CDH12: variants seen among roughly 807,000 people sequenced by gnomAD.
The protein encoded by CDH12 is cadherin-12.
Under a neutral mutation model 74.1 loss-of-function variants are expected in CDH12, and 41 were observed. That is an observed-to-expected ratio of 0.55 (90% CI 0.43 to 0.72). The LOEUF is 0.72. Among genes scored for constraint, CDH12 ranks in the 30% least tolerant of loss-of-function variants. CDH12 has a pLI of 0.00. For synonymous variants in CDH12, 399 were observed against 355.0 expected (o/e 1.12, Z -1.39); for missense variants, 945 against 977.2 (o/e 0.97, Z 0.44).
At chr5:22,090,546 A>G (rs1743350957) in intron 4 of CDH12, among the ~76,000 whole-genome samples, 1 of 151,558 alleles carries the variant, frequency 6.6e-6, no homozygotes, top group African/African-American at 2.4e-5. Context: ...GCGACCTTTA[A>G]CATTACAATA....
chr5:22,758,793 T>C (rs1400854846), intron 1 of CDH12, among the ~76,000 whole-genome samples: 1 of 152,170 alleles, frequency 6.6e-6, no homozygotes, highest in Non-Finnish European at 1.5e-5. Context: ...GCTATGAAAT[T>C]GTGTATTAAG....
intron 7 of CDH12, among the ~76,000 whole-genome samples, chr5:21,846,146 TG>T (rs1750155004): frequency 6.6e-6 from 1 of 152,156 alleles, no homozygotes; most frequent in Non-Finnish European, 1.5e-5. Flanking sequence ...TCACAAACTG[TG>T]CAAATGGCAC....
intron 5 of CDH12, among the ~76,000 whole-genome samples, chr5:22,075,377 G>T (rs191000995): frequency 1.0e-3 from 153 of 151,020 alleles, no homozygotes; most frequent in African/African-American, 3.5e-3. Flanking sequence ...TGAGTTAATG[G>T]GTACAGCACA....
intron 4 of CDH12, among the ~76,000 whole-genome samples, chr5:22,101,536 T>C (rs1013181540): frequency 6.6e-6 from 1 of 152,324 alleles, no homozygotes; most frequent in South Asian, 2.1e-4. Context: ...CCAGAGTTCC[T>C]GTGGACCATA....
chr5:22,117,518 TATATA>T (rs1453809217), intron 4 of CDH12, among the ~76,000 whole-genome samples: 3 of 88,694 alleles, frequency 3.4e-5, no homozygotes, highest in East Asian at 2.9e-4. Context: ...ATATAATATA[TATATA>T]ATATATATAT....
At chr5:22,138,518 A>G (rs1019153129) in intron 4 of CDH12, among the ~76,000 whole-genome samples, 8 of 151,156 alleles carry the variant, frequency 5.3e-5, no homozygotes, top group African/African-American at 1.9e-4. Flanking sequence ...AAAGTTGGGG[A>G]AAAAAACAAA....
chr5:21,835,896 A>C (rs546210633), intron 8 of CDH12, among the ~76,000 whole-genome samples: 1 of 151,934 alleles, frequency 6.6e-6, no homozygotes, highest in East Asian at 1.9e-4. Context: ...TATTATCTTT[A>C]ATAATTCAAT....
At chr5:22,628,853 A>G (rs1025501791) in intron 1 of CDH12, among the ~76,000 whole-genome samples, 1 of 152,052 alleles carries the variant, frequency 6.6e-6, no homozygotes, top group Non-Finnish European at 1.5e-5. Context: ...ACTGCTAGCT[A>G]GACTAATAAA....
intron 6 of CDH12, among the ~76,000 whole-genome samples, chr5:21,970,420 T>C (rs545062261): frequency 3.1e-4 from 47 of 152,288 alleles, no homozygotes; most frequent in Middle Eastern, 3.4e-3. Flanking sequence ...CTATGGCATT[T>C]TTGTGAAAAT....
chr5:22,753,615 A>C (rs368465030), intron 1 of CDH12, among the ~76,000 whole-genome samples: 2 of 150,446 alleles, frequency 1.3e-5, no homozygotes, highest in East Asian at 2.0e-4. Context: ...AAGGGGAAGA[A>C]GTATGGAAAG....
intron 3 of CDH12, among the ~76,000 whole-genome samples, chr5:22,360,450 A>AC: frequency 6.6e-6 from 1 of 151,962 alleles, no homozygotes; most frequent in African/African-American, 2.4e-5. Flanking sequence ...TAACTTACCA[A>AC]CAAAAATGTC....
chr5:22,046,871 T>C (rs1320408813), intron 5 of CDH12, among the ~76,000 whole-genome samples: 2 of 152,198 alleles, frequency 1.3e-5, no homozygotes, highest in African/African-American at 4.8e-5. Context: ...GTTTCCTATG[T>C]TTTATTTCAT....
At chr5:21,818,934 T>C (rs1748212790) in intron 8 of CDH12, among the ~76,000 whole-genome samples, 1 of 152,014 alleles carries the variant, frequency 6.6e-6, no homozygotes, top group South Asian at 2.1e-4. Flanking sequence ...AAAGTAGTAA[T>C]TTCTCATAGG....
At chr5:21,981,564 A>G (rs1215540055) in intron 5 of CDH12, among the ~76,000 whole-genome samples, 4 of 152,110 alleles carry the variant, frequency 2.6e-5, no homozygotes, top group Non-Finnish European at 4.4e-5. Flanking sequence ...TCATAGGATC[A>G]TAGCATTAAC....
chr5:22,580,430 C>A, intron 1 of CDH12: 1 of 509,414 alleles, frequency 2.0e-6, no homozygotes, highest in South Asian at 1.5e-5. Context: ...CATCACCCTC[C>A]AAGTACTGCC....
chr5:22,726,378 A>T (rs1744164512), intron 1 of CDH12, among the ~76,000 whole-genome samples: 1 of 151,706 alleles, frequency 6.6e-6, no homozygotes, highest in Non-Finnish European at 1.5e-5. Flanking sequence ...CTGATAGCTC[A>T]TTCCTTTTTA....
In CDH12 at chr5:21,950,566, G is replaced by A. The variant is rs557196526; in HGVS notation, c.526+24525C>T. Among the ~76,000 whole-genome samples the A allele has an allele frequency of 6.0e-4, 91 of 150,978 alleles. 1 individual carries two copies. The highest frequency in any genetic ancestry group is 5.9e-3 in the Admixed American group (90 of 15,178). On this transcript the variant is annotated intron_variant, in intron 6 of 14. Coordinates refer to ENST00000382254, the MANE Select transcript of CDH12 (RefSeq NM_004061.5). ...AGTTAAAAAAACAAAAATCAAAAACGAAAAAACATGGCCAACAATATTGTC... is the reference window on the plus strand; with the variant it reads ...AGTTAAAAAAACAAAAATCAAAAACAAAAAAACATGGCCAACAATATTGTC...
intron 1 of CDH12, among the ~76,000 whole-genome samples, chr5:22,663,545 A>T (rs1186142663): frequency 1.3e-5 from 2 of 152,262 alleles, no homozygotes; most frequent in Admixed American, 1.3e-4. Context: ...TAATTCACAT[A>T]CTTTAGTTTG....
chr5:21,990,306 G>T (rs1472657832), intron 5 of CDH12, among the ~76,000 whole-genome samples: 1 of 151,820 alleles, frequency 6.6e-6, no homozygotes, highest in African/African-American at 2.4e-5. Context: ...ATTTTTGTTT[G>T]GCATATAGGG....
Sources: gnomAD v4.1 joint callset for allele counts (sites outside exome capture counted in the v4.1 genomes callset) on GRCh38, gnomAD v4.1.1 for gene constraint, MANE v1.5 for transcripts, NCBI Gene and HGNC (gene_info 2026-07-23, HGNC 2026-07-21) for gene names.